Variants in PLXNA2 observed in about 807,000 individuals in gnomAD.
PLXNA2 encodes plexin A2, also known as plexin-A2.
A neutral mutation model predicts 193.5 loss-of-function variants in PLXNA2; 91 were observed. That is an observed-to-expected ratio of 0.47 (90% CI 0.40 to 0.56). The LOEUF (loss-of-function observed/expected upper bound fraction) is 0.56. Ranked by LOEUF, PLXNA2 falls within the 20% of genes least tolerant of loss-of-function variation. The pLI is 0.00. For missense variants in PLXNA2, 1,995 were observed against 2,503.2 expected (o/e 0.80, Z 4.33); for synonymous variants, 997 against 1,027.3 (o/e 0.97, Z 0.56).
intron 3 of PLXNA2, among the ~76,000 whole-genome samples, chr1:208,193,896 TA>T (rs1558237683): frequency 6.6e-6 from 1 of 152,056 alleles, no homozygotes; most frequent in African/African-American, 2.4e-5. Flanking sequence ...GACCTGTCTC[TA>T]AAAAAACTTT....
At chr1:208,033,580 T>A in intron 27 of PLXNA2, 71 bp from the exon 28 acceptor site, 1 of 1,298,642 alleles carries the variant, frequency 7.7e-7, no homozygotes, top group Non-Finnish European at 1.1e-6. Flanking sequence ...CCTTCCAGAA[T>A]CCCTGCCCGC....
intron 3 of PLXNA2, among the ~76,000 whole-genome samples, chr1:208,164,373 G>C (rs1007975724): frequency 6.6e-6 from 1 of 152,242 alleles, no homozygotes; most frequent in African/African-American, 2.4e-5. Flanking sequence ...GGACTCTGCA[G>C]TTCTTTGCTC....
At chr1:208,237,089 A>G (rs1671882131) in intron 1 of PLXNA2, among the ~76,000 whole-genome samples, 1 of 152,208 alleles carries the variant, frequency 6.6e-6, no homozygotes, top group Admixed American at 6.5e-5. Context: ...TTATGGACAG[A>G]AAGCTTAAAG....
At chr1:208,065,543 C>T (rs1039368100) in intron 12 of PLXNA2, among the ~76,000 whole-genome samples, 4 of 152,200 alleles carry the variant, frequency 2.6e-5, no homozygotes, top group African/African-American at 9.7e-5. Flanking sequence ...TGTTTCCCTG[C>T]ACCTCTGTCT....
chr1:208,060,908 C>T (rs1467092356), intron 12 of PLXNA2, 71 bp from the exon 13 acceptor site: 1 of 1,465,494 alleles, frequency 6.8e-7, no homozygotes, highest in Non-Finnish European at 9.4e-7. Flanking sequence ...CCTTCCCCCT[C>T]CCCCAGGGAG....
intron 5 of PLXNA2, among the ~76,000 whole-genome samples, chr1:208,101,984 T>C (rs1377294710): frequency 6.6e-6 from 1 of 152,194 alleles, no homozygotes; most frequent in East Asian, 1.9e-4. Context: ...ATTTACCCCC[T>C]TTTGCCATTC....
At chr1:208,197,117 A>G (rs1368346350) in intron 3 of PLXNA2, among the ~76,000 whole-genome samples, 1 of 152,222 alleles carries the variant, frequency 6.6e-6, no homozygotes, top group African/African-American at 2.4e-5. Flanking sequence ...TAGAGTTAGG[A>G]CTTGAACTCA....
intron 3 of PLXNA2, among the ~76,000 whole-genome samples, chr1:208,145,449 GC>G (rs1426448128): frequency 6.6e-6 from 1 of 152,204 alleles, no homozygotes; most frequent in Non-Finnish European, 1.5e-5. Context: ...GGAATAGTCC[GC>G]TGTTTTCATG....
intron 12 of PLXNA2, among the ~76,000 whole-genome samples, chr1:208,075,876 T>G (rs1410698813): frequency 6.6e-6 from 1 of 151,938 alleles, no homozygotes; most frequent in African/African-American, 2.4e-5. Flanking sequence ...CTGGCCAACA[T>G]GGCAAACTCC....
At chr1:208,163,959 C>T (rs1558223994) in intron 3 of PLXNA2, among the ~76,000 whole-genome samples, 1 of 152,204 alleles carries the variant, frequency 6.6e-6, no homozygotes. Context: ...CTCATCACCA[C>T]CCCCACAAAG....
In PLXNA2 at chr1:208,060,818, G is replaced by T; in HGVS notation, c.2606C>A (p.Pro869Gln). ...GGTCACTCGCGTCCCTCCTTCCGGC[G>T]GTCCAGACACCGTCAAAATCTGCAG... is the stretch of plus-strand genomic sequence containing the variant. Reference protein sequence around the residue: ...QITEILTVSGPPEGGTRVTIH... With the variant: ...QITEILTVSGQPEGGTRVTIH... Residue 869 changes from proline (P) to glutamine (Q), a missense_variant, in exon 13 of 32, where the codon CCG (proline) becomes CAG (glutamine). Transcript: ENST00000367033. The T allele has an allele frequency of 6.2e-7, 1 of 1,613,994 alleles. No homozygotes were observed. The highest frequency in any genetic ancestry group is 8.5e-7 in the Non-Finnish European group (1 of 1,179,968).
At chr1:208,101,862 G>A (rs1393493864) in intron 5 of PLXNA2, among the ~76,000 whole-genome samples, 1 of 152,192 alleles carries the variant, frequency 6.6e-6, no homozygotes, top group African/African-American at 2.4e-5. Flanking sequence ...GCTGCCCAGG[G>A]CCCTTTGCAC....
Position 208,058,240 on chromosome 1 carries a change from G to T in PLXNA2, c.2738+2446C>A, listed in dbSNP as rs555112697. 2.8e-4 allele frequency among the ~76,000 whole-genome samples: 42 copies of T among 152,336 alleles called. 1 individual carries two copies. The highest frequency in any genetic ancestry group is 9.9e-4 in the African/African-American group (41 of 41,568). On this transcript the variant is annotated intron_variant, in intron 13 of 31. Coordinates refer to ENST00000367033, the MANE Select transcript of PLXNA2 (RefSeq NM_025179.4). Reference sequence around the variant, plus strand: ...ATGTGGAGCCCCTGTCCCAGGAGGGGCTGAGCTGCAGCCTCAACATGCATC... The same window carrying T: ...ATGTGGAGCCCCTGTCCCAGGAGGGTCTGAGCTGCAGCCTCAACATGCATC...
At chr1:208,102,604 C>A (rs1667131542) in intron 5 of PLXNA2, among the ~76,000 whole-genome samples, 1 of 152,194 alleles carries the variant, frequency 6.6e-6, no homozygotes, top group Non-Finnish European at 1.5e-5. Context: ...TCTGGGCTTC[C>A]TTATTACCAA....
intron 4 of PLXNA2, among the ~76,000 whole-genome samples, chr1:208,105,657 T>C (rs1458323449): frequency 6.6e-6 from 1 of 152,234 alleles, no homozygotes; most frequent in Non-Finnish European, 1.5e-5. Flanking sequence ...GACAGGTATC[T>C]GCCGGAGACC....
In PLXNA2 at chr1:208,211,678, A is replaced by G. The variant is rs948716702; in HGVS notation, c.1189-1216T>C. ...ACTGCACTCCAGCCTGGGCGGCAGA[A>G]CGAGACTCCGTCTCAAAAAAAAAAA... On this transcript the variant is annotated intron_variant, in intron 2 of 31. Transcript: ENST00000367033. Among the ~76,000 whole-genome samples, 42 of 146,076 alleles carry G rather than the reference A, an allele frequency of 2.9e-4. No homozygotes were observed. In the Middle Eastern group the frequency reaches 0.014, roughly 49 times the overall value.
At chr1:208,121,394 G>A (rs1217960032) in intron 4 of PLXNA2, among the ~76,000 whole-genome samples, 2 of 152,182 alleles carry the variant, frequency 1.3e-5, no homozygotes, top group African/African-American at 4.8e-5. Flanking sequence ...AAAGAATACT[G>A]ATATGGTTTG....
intron 13 of PLXNA2, among the ~76,000 whole-genome samples, chr1:208,058,832 T>C (rs1222042570): frequency 1.3e-5 from 2 of 152,222 alleles, no homozygotes; most frequent in African/African-American, 4.8e-5. Flanking sequence ...CTGAAATTCC[T>C]TACATTTGGG....
Position 208,195,378 on chromosome 1 carries a change from C to T in PLXNA2, c.1371+14902G>A, listed in dbSNP as rs531824994. On this transcript the variant is annotated intron_variant, in intron 3 of 31. Coordinates refer to ENST00000367033, the MANE Select transcript of PLXNA2 (RefSeq NM_025179.4). ...GGGAGGGTGGCAACCACTTTGGCCC[C>T]AATCTCTTGACTCTCCTGTGAGTAG... Among the ~76,000 whole-genome samples the T allele has an allele frequency of 1.2e-3, 187 of 152,252 alleles. 1 individual carries two copies. Among genetic ancestry groups the T allele is most frequent in the African/African-American group, 4.1e-3 (172 of 41,546 alleles).
Sources: gnomAD v4.1 joint callset for allele counts (sites outside exome capture counted in the v4.1 genomes callset) on GRCh38, gnomAD v4.1.1 for gene constraint, MANE v1.5 for transcripts, NCBI Gene and HGNC (gene_info 2026-07-23, HGNC 2026-07-21) for gene names.